DPF3: variants seen among roughly 807,000 people sequenced by gnomAD.
The protein encoded by DPF3 is zinc finger protein DPF3.
DPF3 carries 18 observed loss-of-function variants against 56.8 expected under a neutral mutation model. That is an observed-to-expected ratio of 0.32 (90% confidence interval 0.22 to 0.47). The LOEUF is 0.47. DPF3 is among the 20% of genes least tolerant of loss of function. DPF3 has a pLI of 1.00. For missense variants in DPF3, 403 were observed against 488.8 expected (o/e 0.82, Z 1.65); for synonymous variants, 188 against 180.2 (o/e 1.04, Z -0.35).
chr14:72,662,338 C>T, intron 8 of DPF3: 3 of 984,826 alleles, frequency 3.0e-6, no homozygotes, highest in Non-Finnish European at 3.6e-6. Flanking sequence ...ATTAAGTACT[C>T]TTATGATTTC....
intron 8 of DPF3, among the ~76,000 whole-genome samples, chr14:72,644,493 T>C (rs1318245274): frequency 6.6e-6 from 1 of 152,240 alleles, no homozygotes; most frequent in Admixed American, 6.5e-5. Context: ...CTTTCTTTTT[T>C]TCCTCTGGAG....
chr14:72,690,464 A>G (rs1173989193), intron 7 of DPF3, among the ~76,000 whole-genome samples: 1 of 152,122 alleles, frequency 6.6e-6, no homozygotes, highest in East Asian at 1.9e-4. Context: ...ACGCATGCAC[A>G]CATATACAAA....
chr14:72,741,372 T>A (rs1028981036), intron 3 of DPF3, among the ~76,000 whole-genome samples: 3 of 152,242 alleles, frequency 2.0e-5, no homozygotes, highest in African/African-American at 7.2e-5. Context: ...ACACAGCCAG[T>A]GGCTGGAGGG....
intron 2 of DPF3, among the ~76,000 whole-genome samples, chr14:72,769,160 T>G (rs561388717): frequency 6.6e-6 from 1 of 152,340 alleles, no homozygotes; most frequent in East Asian, 1.9e-4. Flanking sequence ...GAATACTATT[T>G]CTTAGTTCTA....
intron 1 of DPF3, among the ~76,000 whole-genome samples, chr14:72,888,634 C>T (rs1886639137): frequency 2.0e-5 from 3 of 152,178 alleles, no homozygotes; most frequent in African/African-American, 7.2e-5. Flanking sequence ...CTACCCAAGG[C>T]CACTCTCCAT....
intron 1 of DPF3, among the ~76,000 whole-genome samples, chr14:72,843,008 G>A (rs971445605): frequency 2.0e-5 from 3 of 152,192 alleles, no homozygotes; most frequent in East Asian, 3.9e-4. Flanking sequence ...GGGTGACAGT[G>A]TGAGACTCCA....
intron 1 of DPF3, among the ~76,000 whole-genome samples, chr14:72,853,049 A>ATGTGTGTGTGTGTGTGTGTG (rs59395885): frequency 6.7e-6 from 1 of 149,064 alleles, no homozygotes; most frequent in Non-Finnish European, 1.5e-5. Context: ...GTGTGTGTGT[A>ATGTGTGTGTGTGTGTGTGTG]TGTGTGTGTG....
intron 5 of DPF3, among the ~76,000 whole-genome samples, chr14:72,716,208 G>C (rs1293139291): frequency 1.3e-5 from 2 of 152,162 alleles, no homozygotes; most frequent in East Asian, 1.9e-4. Flanking sequence ...GGGCTTCTGG[G>C]GGAGCTGCCA....
intron 1 of DPF3, among the ~76,000 whole-genome samples, chr14:72,772,790 A>C (rs952378103): frequency 3.3e-5 from 5 of 152,234 alleles, no homozygotes; most frequent in African/African-American, 1.2e-4. Context: ...TACCTACCAA[A>C]TAAAACATAG....
At chr14:72,661,329 T>C in intron 8 of DPF3, 1 of 985,390 alleles carries the variant, frequency 1.0e-6, no homozygotes, top group African/African-American at 1.7e-5. Context: ...AGGAAGTCGG[T>C]GCCCACCTGC....
intron 2 of DPF3, among the ~76,000 whole-genome samples, chr14:72,760,067 A>G (rs537748100): frequency 6.6e-6 from 1 of 152,338 alleles, no homozygotes; most frequent in East Asian, 1.9e-4. Flanking sequence ...CTAAATTTGG[A>G]TCTACACAAA....
intron 1 of DPF3, among the ~76,000 whole-genome samples, chr14:72,791,136 G>A (rs556728451): frequency 2.8e-4 from 42 of 151,748 alleles, no homozygotes; most frequent in South Asian, 4.2e-4. Context: ...CCACTCCCCC[G>A]ACCTAGCCCT....
chr14:72,743,028 A>G (rs1176880142), intron 3 of DPF3, among the ~76,000 whole-genome samples: 2 of 152,138 alleles, frequency 1.3e-5, no homozygotes, highest in South Asian at 2.1e-4. Flanking sequence ...TTCGGGGTGC[A>G]TGCCCTCTTG....
intron 8 of DPF3, among the ~76,000 whole-genome samples, chr14:72,666,653 AG>A (rs1886457094): frequency 6.6e-6 from 1 of 152,216 alleles, no homozygotes; most frequent in African/African-American, 2.4e-5. Flanking sequence ...ATATTCTAAT[AG>A]GGAAAGAAAT....
chr14:72,632,145 T>C (rs569474797), intron 8 of DPF3, among the ~76,000 whole-genome samples: 1 of 152,288 alleles, frequency 6.6e-6, no homozygotes, highest in South Asian at 2.1e-4. Flanking sequence ...TTTAAGTCAT[T>C]AAAGGCTATT....
chr14:72,858,286 T>A (rs1179195147), intron 1 of DPF3, among the ~76,000 whole-genome samples: 4 of 139,002 alleles, frequency 2.9e-5, no homozygotes, highest in Admixed American at 7.5e-5. Context: ...CCAGCCTGGG[T>A]GACAGAGTTA....
intron 1 of DPF3, among the ~76,000 whole-genome samples, chr14:72,813,218 A>T (rs988758634): frequency 6.6e-6 from 1 of 152,144 alleles, no homozygotes; most frequent in Non-Finnish European, 1.5e-5. Context: ...GGGACAAAAA[A>T]TAGGGCTGGT....
At chr14:72,680,903 T>C (rs1887138993) in intron 7 of DPF3, among the ~76,000 whole-genome samples, 1 of 152,218 alleles carries the variant, frequency 6.6e-6, no homozygotes, top group Non-Finnish European at 1.5e-5. Context: ...TCAGGCCTAT[T>C]ATTCAAGCAT....
chr14:72,757,173 A>C (rs74958213), intron 2 of DPF3, among the ~76,000 whole-genome samples: 6,491 of 151,906 alleles, frequency 0.043, 440 homozygotes, highest in African/African-American at 0.15. Flanking sequence ...GGAAGAAAAA[A>C]ACTGAAGTAG....
Sources: gnomAD v4.1 joint callset for allele counts (sites outside exome capture counted in the v4.1 genomes callset) on GRCh38, gnomAD v4.1.1 for gene constraint, MANE v1.5 for transcripts, NCBI Gene and HGNC (gene_info 2026-07-23, HGNC 2026-07-21) for gene names.